AGBL4: variants seen among roughly 807,000 people sequenced by gnomAD.
AGBL4 encodes the protein AGBL carboxypeptidase 4.
In AGBL4, 58 loss-of-function variants were observed where a neutral mutation model predicts 66.4. The observed-to-expected ratio is 0.87, with a 90% CI of 0.71 to 1.09. The LOEUF (loss-of-function observed/expected upper bound fraction) is 1.09, where lower values mean the gene tolerates loss of function less well. Among genes scored for constraint, AGBL4 ranks in the 50% least tolerant of loss-of-function variants. The pLI, the probability that AGBL4 is intolerant of heterozygous loss-of-function variation, is 0.00. For synonymous variants in AGBL4, 234 were observed against 222.9 expected (o/e 1.05, Z -0.44); for missense variants, 579 against 631.0 (o/e 0.92, Z 0.88).
chr1:49,213,495 C>G (rs1188044523), intron 4 of AGBL4, among the ~76,000 whole-genome samples: 1 of 151,846 alleles, frequency 6.6e-6, no homozygotes, highest in Non-Finnish European at 1.5e-5. Context: ...TGTGTGACAC[C>G]TCCCCCCACC....
chr1:48,915,820 A>G (rs1653538266), intron 5 of AGBL4, among the ~76,000 whole-genome samples: 1 of 152,192 alleles, frequency 6.6e-6, no homozygotes. Flanking sequence ...CTCCCAGGGA[A>G]GGAAGCCTTT....
At chr1:49,772,689 T>C (rs928315793) in intron 2 of AGBL4, among the ~76,000 whole-genome samples, 3 of 152,322 alleles carry the variant, frequency 2.0e-5, no homozygotes, top group East Asian at 1.9e-4. Flanking sequence ...CTCTGCTGGC[T>C]AGCAAGGTTT....
chr1:48,785,208 T>C (rs1265813044), intron 6 of AGBL4, among the ~76,000 whole-genome samples: 1 of 152,230 alleles, frequency 6.6e-6, no homozygotes, highest in Non-Finnish European at 1.5e-5. Flanking sequence ...TATGTAATTA[T>C]GTGTTTATTC....
intron 3 of AGBL4, among the ~76,000 whole-genome samples, chr1:49,343,643 C>T (rs942962236): frequency 6.6e-6 from 1 of 152,108 alleles, no homozygotes; most frequent in African/African-American, 2.4e-5. Context: ...TTTCTGGTCC[C>T]CATAGCATTC....
chr1:48,576,249 G>C (rs1644651988), intron 11 of AGBL4, among the ~76,000 whole-genome samples: 1 of 152,166 alleles, frequency 6.6e-6, no homozygotes, highest in Non-Finnish European at 1.5e-5. Flanking sequence ...ATGCATATGA[G>C]GGATGTAGGT....
At chr1:48,550,455 C>A (rs1409443664) in intron 11 of AGBL4, among the ~76,000 whole-genome samples, 2 of 152,156 alleles carry the variant, frequency 1.3e-5, no homozygotes, top group Admixed American at 1.3e-4. Context: ...AGATCTCTCT[C>A]TGCCTGTCTC....
At chr1:48,667,097 A>C (rs114993377) in intron 6 of AGBL4, among the ~76,000 whole-genome samples, 1 of 152,202 alleles carries the variant, frequency 6.6e-6, no homozygotes, top group Non-Finnish European at 1.5e-5. Flanking sequence ...AAATCACCCT[A>C]TATGGTTTTT....
chr1:48,538,032 G>A (rs1644002040), intron 12 of AGBL4, among the ~76,000 whole-genome samples: 1 of 152,212 alleles, frequency 6.6e-6, no homozygotes, highest in East Asian at 1.9e-4. Flanking sequence ...GCACTTCAGG[G>A]GCACAAGAAA....
intron 5 of AGBL4, among the ~76,000 whole-genome samples, chr1:48,967,402 T>C (rs1658535921): frequency 2.0e-5 from 3 of 152,202 alleles, no homozygotes; most frequent in Non-Finnish European, 4.4e-5. Flanking sequence ...ATTTATTGTA[T>C]GTTAATATGT....
intron 3 of AGBL4, among the ~76,000 whole-genome samples, chr1:49,619,047 G>A (rs897510920): frequency 5.3e-5 from 8 of 152,066 alleles, no homozygotes; most frequent in African/African-American, 7.2e-5. Context: ...CATTCCCTTC[G>A]AAAACTGGCA....
chr1:48,810,028 T>G (rs994099571), intron 6 of AGBL4, among the ~76,000 whole-genome samples: 4 of 152,282 alleles, frequency 2.6e-5, no homozygotes, highest in Middle Eastern at 3.4e-3. Context: ...CCTTCAAAAT[T>G]TTGTGGTGTG....
chr1:49,948,756 C>G (rs1350665666), intron 1 of AGBL4, among the ~76,000 whole-genome samples: 1 of 150,718 alleles, frequency 6.6e-6, no homozygotes, highest in African/African-American at 2.4e-5. Context: ...TGAAAATGAC[C>G]ATACTGCCAA....
intron 3 of AGBL4, among the ~76,000 whole-genome samples, chr1:49,599,927 A>G (rs575612598): frequency 1.3e-5 from 2 of 152,278 alleles, no homozygotes; most frequent in South Asian, 4.1e-4. Flanking sequence ...TTTTTGAATT[A>G]GCTTCTTAAT....
chr1:49,639,920 A>G (rs1645748949), intron 3 of AGBL4, among the ~76,000 whole-genome samples: 1 of 152,184 alleles, frequency 6.6e-6, no homozygotes, highest in South Asian at 2.1e-4. Context: ...AAATATGAGC[A>G]AAGATATGGA....
intron 4 of AGBL4, among the ~76,000 whole-genome samples, chr1:49,092,344 A>G (rs1645017613): frequency 6.6e-6 from 1 of 152,154 alleles, no homozygotes; most frequent in Admixed American, 6.6e-5. Flanking sequence ...TTACAAGGCA[A>G]GTCCAGAAAA....
chr1:49,014,559 T>C lies in AGBL4; in HGVS notation c.594+31025A>G, dbSNP rs1571233727. ...GTGTTATTTCTAAACCTGCCCTCTG[T>C]ATGAAGGCGGGCCAGCCTCTTACAG... On this transcript the variant is annotated intron_variant, in intron 5 of 13. Coordinates refer to ENST00000371839, the MANE Select transcript of AGBL4 (RefSeq NM_032785.4). 1.3e-5 allele frequency among the ~76,000 whole-genome samples: 2 copies of C among 152,230 alleles called. 1 individual carries two copies. The highest frequency in any genetic ancestry group is 4.1e-4 in the South Asian group (2 of 4,830).
At chr1:48,615,492 A>G (rs914230328) in intron 9 of AGBL4, among the ~76,000 whole-genome samples, 1 of 152,220 alleles carries the variant, frequency 6.6e-6, no homozygotes, top group Non-Finnish European at 1.5e-5. Flanking sequence ...ATGTGATCTC[A>G]GTATAAAAAG....
intron 3 of AGBL4, among the ~76,000 whole-genome samples, chr1:49,260,507 C>T (rs979906104): frequency 6.6e-6 from 1 of 152,056 alleles, no homozygotes; most frequent in African/African-American, 2.4e-5. Flanking sequence ...ATACAAACTA[C>T]CATCAGAGAA....
intron 5 of AGBL4, among the ~76,000 whole-genome samples, chr1:49,035,036 T>C (rs1421801783): frequency 6.6e-6 from 1 of 152,150 alleles, no homozygotes; most frequent in East Asian, 1.9e-4. Flanking sequence ...GTAGAGGCTT[T>C]ATTTTAAAAT....
Sources: gnomAD v4.1 joint callset for allele counts (sites outside exome capture counted in the v4.1 genomes callset) on GRCh38, gnomAD v4.1.1 for gene constraint, MANE v1.5 for transcripts, NCBI Gene and HGNC (gene_info 2026-07-23, HGNC 2026-07-21) for gene names.